RABL3: variants seen among roughly 807,000 people sequenced by gnomAD.
RABL3 encodes the protein rab-like protein 3.
A neutral mutation model predicts 31.8 loss-of-function variants in RABL3; 31 were observed. The observed-to-expected ratio is 0.97, with a 90% CI of 0.73 to 1.31. The LOEUF (loss-of-function observed/expected upper bound fraction) is 1.31, where lower values mean the gene tolerates loss of function less well. Among genes scored for constraint, RABL3 ranks in the 40% most tolerant of loss-of-function variants. RABL3 has a pLI of 0.00. For missense variants in RABL3, 263 were observed against 279.6 expected, an observed-to-expected ratio of 0.94 and a Z score of 0.42; for synonymous variants, 97 against 99.9, an observed-to-expected ratio of 0.97 and a Z score of 0.18.
At position 120,689,762 on chromosome 3, in the gene RABL3, A is replaced by C; in HGVS notation, c.*61T>G. ...GGCTGTGATGGTAATAATTGAACAC[A>C]GCAAGATGAGCTGTGAAAAACTGCC... On this transcript the variant is annotated 3_prime_UTR_variant, in exon 8 of 8. Transcript: ENST00000273375. The C allele has an allele frequency of 8.9e-7, 1 of 1,125,144 alleles. No individual in the cohort carries two copies. The highest frequency in any genetic ancestry group is 1.2e-5 in the South Asian group (1 of 80,458). The allele number at this position is 1,125,144 out of a possible 1,614,324, so 69.7% of individuals were successfully genotyped here.
At chr3:120,713,610 C>T (rs555380291) in intron 2 of RABL3, among the ~76,000 whole-genome samples, 75 of 152,204 alleles carry the variant, frequency 4.9e-4, no homozygotes, top group African/African-American at 1.6e-3. Flanking sequence ...TACAGCTATA[C>T]AATAAAGGAT....
At position 120,688,336 on chromosome 3, in the gene RABL3, A is replaced by G. The variant is rs1207622840; in HGVS notation, c.*1487T>C. On this transcript the variant is annotated 3_prime_UTR_variant, in exon 8 of 8. Coordinates refer to ENST00000273375, the MANE Select transcript of RABL3 (RefSeq NM_173825.5). ...ATTTGCATAGCTTTCCTTTGTGTCAAAAAGAAACCAGGGCTATGTCCTTTC... is the reference window on the plus strand; with the variant it reads ...ATTTGCATAGCTTTCCTTTGTGTCAGAAAGAAACCAGGGCTATGTCCTTTC... The G allele has an allele frequency of 6.6e-6, 1 of 152,606 alleles. No homozygotes were observed. The highest frequency in any genetic ancestry group is 1.5e-5 in the Non-Finnish European group (1 of 68,024). 9.5% of individuals were successfully genotyped at this position (152,606 alleles called of 1,614,324 possible). A position where few individuals can be genotyped will look rare whatever the true frequency, so the allele number is the denominator to read the frequency against.
At chr3:120,693,923 C>T (rs1295850502) in intron 6 of RABL3, among the ~76,000 whole-genome samples, 2 of 151,978 alleles carry the variant, frequency 1.3e-5, no homozygotes, top group Non-Finnish European at 2.9e-5. Context: ...TTAAAACCCC[C>T]ATTTAAATCC....
chr3:120,704,549 C>G (rs944926901), intron 4 of RABL3, among the ~76,000 whole-genome samples: 3 of 152,056 alleles, frequency 2.0e-5, no homozygotes, highest in Non-Finnish European at 4.4e-5. Flanking sequence ...TAGTTAGTAC[C>G]CTTTTGGAAG....
At chr3:120,727,976 T>C (rs959844497) in intron 2 of RABL3, among the ~76,000 whole-genome samples, 7 of 152,150 alleles carry the variant, frequency 4.6e-5, no homozygotes, top group Non-Finnish European at 7.4e-5. Flanking sequence ...AGCAAATACT[T>C]TACTAAATAG....
chr3:120,722,010 C>T (rs1409918953), intron 2 of RABL3: 1 of 152,164 alleles, frequency 6.6e-6, no homozygotes, highest in Non-Finnish European at 1.5e-5. Flanking sequence ...AACGAGAACT[C>T]AGGATTAAGA....
chr3:120,740,747 A>G (rs1265737032), intron 1 of RABL3, among the ~76,000 whole-genome samples: 1 of 152,256 alleles, frequency 6.6e-6, no homozygotes, highest in Non-Finnish European at 1.5e-5. Flanking sequence ...TTTTAAAAAG[A>G]TAAAAAGACA....
At chr3:120,720,631 G>A (rs1460270351) in intron 2 of RABL3, among the ~76,000 whole-genome samples, 7 of 152,162 alleles carry the variant, frequency 4.6e-5, no homozygotes. Flanking sequence ...GATAATTTTA[G>A]AGAAAAAAGA....
chr3:120,698,336 C>A, intron 5 of RABL3, 87 bp downstream of exon 5: 1 of 1,276,526 alleles, frequency 7.8e-7, no homozygotes. Flanking sequence ...TATAAAGCTT[C>A]TTTCACTAGA....
intron 1 of RABL3, among the ~76,000 whole-genome samples, chr3:120,734,905 T>C: frequency 6.6e-6 from 1 of 152,220 alleles, no homozygotes; most frequent in Admixed American, 6.5e-5. Flanking sequence ...CACTTGATCA[T>C]GGTAGATAAG....
chr3:120,735,754 C>T (rs868720508), intron 1 of RABL3, among the ~76,000 whole-genome samples: 4 of 152,002 alleles, frequency 2.6e-5, no homozygotes, highest in African/African-American at 4.8e-5. Context: ...GTCTTTGTTC[C>T]CATTGGTTTC....
chr3:120,740,978 A>C (rs889873516), intron 1 of RABL3, among the ~76,000 whole-genome samples: 1 of 152,234 alleles, frequency 6.6e-6, no homozygotes, highest in Non-Finnish European at 1.5e-5. Flanking sequence ...TTATAACCCC[A>C]GAACCTAATA....
chr3:120,708,903 G>A (rs1708581237), intron 3 of RABL3, among the ~76,000 whole-genome samples: 1 of 151,724 alleles, frequency 6.6e-6, no homozygotes, highest in African/African-American at 2.4e-5. Context: ...ACATCTTTTT[G>A]TAGAGTCTAC....
intron 2 of RABL3, among the ~76,000 whole-genome samples, chr3:120,726,257 CT>C (rs1310457086): frequency 1.3e-5 from 2 of 152,020 alleles, no homozygotes; most frequent in African/African-American, 2.4e-5. Flanking sequence ...ACATATAAGC[CT>C]TTTGATTTCT....
intron 1 of RABL3, among the ~76,000 whole-genome samples, chr3:120,741,989 C>G (rs1709049148): frequency 1.3e-5 from 2 of 152,146 alleles, no homozygotes; most frequent in South Asian, 4.1e-4. Context: ...AGGACTGTCT[C>G]AGAATTAAAT....
intron 7 of RABL3, 72 bp downstream of exon 7, chr3:120,690,377 C>T (rs755211802): frequency 8.8e-7 from 1 of 1,138,184 alleles, no homozygotes; most frequent in Non-Finnish European, 1.3e-6. Flanking sequence ...TTTAAAACTA[C>T]TTCTGAACTT....
At position 120,742,478 on chromosome 3, in the gene RABL3, C is replaced by T; in HGVS notation, c.30G>A (p.Leu10=). The T allele has an allele frequency of 6.2e-7, 1 of 1,614,184 alleles. No individual in the cohort carries two copies. The highest frequency in any genetic ancestry group is 1.1e-5 in the South Asian group (1 of 91,082). The change falls in exon 1 of 8, where the codon CTG becomes CTA. Residue 10 remains leucine, a synonymous_variant. Transcript: ENST00000273375. ...GCCGCTCACCTGAGTCTCCCAACAC[C>T]AGTACCTTCACCCGATCCAGGGACG... MASLDRVKV[L]VLGDSGVGKS...
intron 2 of RABL3, among the ~76,000 whole-genome samples, chr3:120,726,373 C>T (rs893065612): frequency 4.6e-5 from 7 of 152,036 alleles, no homozygotes. Context: ...GCCTCTAATC[C>T]CAGCACTTTG....
intron 3 of RABL3, among the ~76,000 whole-genome samples, chr3:120,707,342 T>C (rs1442467174): frequency 6.6e-6 from 1 of 152,092 alleles, no homozygotes; most frequent in Non-Finnish European, 1.5e-5. Context: ...GGGGTTTTAA[T>C]CAGCATCAGT....
Sources: gnomAD v4.1 joint callset for allele counts (sites outside exome capture counted in the v4.1 genomes callset) on GRCh38, gnomAD v4.1.1 for gene constraint, MANE v1.5 for transcripts, NCBI Gene and HGNC (gene_info 2026-07-23, HGNC 2026-07-21) for gene names.